The following CACNA2D3 variants were observed in gnomAD, a reference collection of about 807,000 sequenced individuals.
CACNA2D3 encodes the protein calcium voltage-gated channel auxiliary subunit alpha2delta 3, also known as voltage-dependent calcium channel subunit alpha-2/delta-3.
In CACNA2D3, 60 loss-of-function variants were observed where a neutral mutation model predicts 160.6. The observed-to-expected ratio is 0.37, with a 90% CI of 0.30 to 0.46. CACNA2D3 has a LOEUF of 0.46. Among genes scored for constraint, CACNA2D3 ranks in the 20% least tolerant of loss-of-function variants. The probability of loss-of-function intolerance (pLI) is 1.00; values close to 1 mark genes in which losing one functional copy is unlikely to be tolerated. For synonymous variants in CACNA2D3, 558 were observed against 492.9 expected (o/e 1.13, Z -1.75); for missense variants, 1,205 against 1,365.0 (o/e 0.88, Z 1.85).
At chr3:54,300,769 C>G (rs1703458315) in intron 2 of CACNA2D3, among the ~76,000 whole-genome samples, 1 of 152,136 alleles carries the variant, frequency 6.6e-6, no homozygotes, top group African/African-American at 2.4e-5. Flanking sequence ...AATCCAAGCA[C>G]TTTGGAAGAC....
chr3:54,811,249 C>T (rs975964971), intron 13 of CACNA2D3, among the ~76,000 whole-genome samples: 7 of 152,274 alleles, frequency 4.6e-5, no homozygotes, highest in African/African-American at 1.7e-4. Flanking sequence ...CTGTGCTTCT[C>T]CCATACTCAT....
intron 3 of CACNA2D3, among the ~76,000 whole-genome samples, chr3:54,380,563 C>T (rs532704068): frequency 3.9e-5 from 6 of 152,026 alleles, no homozygotes; most frequent in Admixed American, 2.6e-4. Flanking sequence ...ACAGTGAAAT[C>T]CTGTCTCTAC....
At chr3:54,230,309 C>T (rs1701746919) in intron 2 of CACNA2D3, among the ~76,000 whole-genome samples, 1 of 152,108 alleles carries the variant, frequency 6.6e-6, no homozygotes, top group Non-Finnish European at 1.5e-5. Flanking sequence ...CTTATTTAAG[C>T]TTCCTAAAGA....
At chr3:54,638,812 C>G (rs146152607) in intron 10 of CACNA2D3, 2 of 152,088 alleles carry the variant, frequency 1.3e-5, no homozygotes, top group East Asian at 3.9e-4. Context: ...TTTGGAACTA[C>G]TGTTGAGTTT....
chr3:54,562,240 CTG>C (rs1333978556), intron 5 of CACNA2D3, among the ~76,000 whole-genome samples: 1 of 152,176 alleles, frequency 6.6e-6, no homozygotes, highest in African/African-American at 2.4e-5. Context: ...AAGAGGCAGT[CTG>C]TGCTTTCACA....
intron 36 of CACNA2D3, 95 bp from the exon 37 acceptor site, chr3:55,073,682 G>C (rs1242046050): frequency 1.6e-6 from 2 of 1,227,040 alleles, no homozygotes; most frequent in Non-Finnish European, 2.4e-6. Context: ...TGGAGAGAGA[G>C]AGTAGTTAAG....
intron 11 of CACNA2D3, among the ~76,000 whole-genome samples, chr3:54,661,358 C>T (rs1699966800): frequency 6.6e-6 from 1 of 152,114 alleles, no homozygotes; most frequent in Non-Finnish European, 1.5e-5. Context: ...TTCTATGCCT[C>T]AATGGGACAG....
At chr3:54,260,716 C>CTTTTT (rs151293610) in intron 2 of CACNA2D3, among the ~76,000 whole-genome samples, 49 of 150,244 alleles carry the variant, frequency 3.3e-4, no homozygotes, top group Admixed American at 3.2e-3. Flanking sequence ...TGCTGGTATT[C>CTTTTT]TTTTTTTTTT....
chr3:54,767,107 G>T (rs1247676550), intron 13 of CACNA2D3, among the ~76,000 whole-genome samples: 3 of 151,768 alleles, frequency 2.0e-5, no homozygotes, highest in African/African-American at 7.3e-5. Context: ...ACACAACTCT[G>T]AGTATACCTT....
intron 27 of CACNA2D3, among the ~76,000 whole-genome samples, chr3:54,920,804 C>T (rs1700823840): frequency 6.6e-6 from 1 of 152,232 alleles, no homozygotes; most frequent in Non-Finnish European, 1.5e-5. Flanking sequence ...CATCAGCTGA[C>T]TTCCACCTTG....
chr3:54,156,071 C>A (rs963228960), intron 2 of CACNA2D3, among the ~76,000 whole-genome samples: 7 of 152,172 alleles, frequency 4.6e-5, no homozygotes, highest in African/African-American at 1.7e-4. Context: ...AGCTAGAAGA[C>A]AGCTTCATGA....
At chr3:54,251,256 T>C (rs962611215) in intron 2 of CACNA2D3, among the ~76,000 whole-genome samples, 2 of 152,170 alleles carry the variant, frequency 1.3e-5, no homozygotes, top group African/African-American at 4.8e-5. Context: ...AAGAGTCTTC[T>C]GCAAGAGATG....
intron 4 of CACNA2D3, among the ~76,000 whole-genome samples, chr3:54,462,842 C>G (rs1328546157): frequency 6.6e-6 from 1 of 151,038 alleles, no homozygotes; most frequent in African/African-American, 2.4e-5. Flanking sequence ...TGATTTTGCT[C>G]ATTAGTTGAT....
At chr3:54,705,402 A>T (rs1051155490) in intron 11 of CACNA2D3, among the ~76,000 whole-genome samples, 5 of 152,104 alleles carry the variant, frequency 3.3e-5, no homozygotes, top group Admixed American at 6.5e-5. Flanking sequence ...TTGAGAAGAA[A>T]AACTTGGCCT....
intron 11 of CACNA2D3, among the ~76,000 whole-genome samples, chr3:54,713,697 T>G (rs547853072): frequency 1.3e-5 from 2 of 152,270 alleles, no homozygotes; most frequent in Middle Eastern, 3.4e-3. Context: ...AACTGCTAGG[T>G]CAGAGATAAC....
At chr3:54,383,218 C>G (rs1230159547) in intron 3 of CACNA2D3, among the ~76,000 whole-genome samples, 2 of 152,298 alleles carry the variant, frequency 1.3e-5, no homozygotes, top group East Asian at 3.9e-4. Context: ...AGAGTACTTT[C>G]AGAGGAAAGA....
At chr3:54,159,777 C>G (rs1443090774) in intron 2 of CACNA2D3, among the ~76,000 whole-genome samples, 1 of 152,086 alleles carries the variant, frequency 6.6e-6, no homozygotes, top group Non-Finnish European at 1.5e-5. Flanking sequence ...AAATATTGCT[C>G]TTTTCCCTGG....
chr3:54,645,901 CAAG>C (rs1309524200), intron 11 of CACNA2D3, among the ~76,000 whole-genome samples: 1 of 152,094 alleles, frequency 6.6e-6, no homozygotes, highest in Non-Finnish European at 1.5e-5. Context: ...CCCATCCTGC[CAAG>C]AAGTGTGGTG....
At chr3:54,488,554 A>G (rs1434928648) in intron 4 of CACNA2D3, among the ~76,000 whole-genome samples, 1 of 151,996 alleles carries the variant, frequency 6.6e-6, no homozygotes, top group African/African-American at 2.4e-5. Context: ...CTGACTCTCT[A>G]GGTCATAGCT....
Sources: allele counts gnomAD v4.1 joint callset (sites outside exome capture counted in the v4.1 genomes callset), GRCh38; gene constraint gnomAD v4.1.1; transcripts MANE v1.5; gene names NCBI Gene and HGNC (gene_info 2026-07-23, HGNC 2026-07-21).